The following SLC1A3 variants were observed in gnomAD, a reference collection of about 807,000 sequenced individuals.
SLC1A3 encodes the protein solute carrier family 1 member 3.
A neutral mutation model predicts 48.1 loss-of-function variants in SLC1A3; 21 were observed. The ratio of observed to expected loss-of-function variants is 0.44; its 90% CI spans 0.31 to 0.63. The LOEUF (loss-of-function observed/expected upper bound fraction) is 0.63. Among genes scored for constraint, SLC1A3 ranks in the 20% least tolerant of loss-of-function variants. SLC1A3 has a pLI of 0.08. For missense variants in SLC1A3, 546 were observed against 689.0 expected, an observed-to-expected ratio of 0.79 and a Z score of 2.32; for synonymous variants, 239 against 251.4, an observed-to-expected ratio of 0.95 and a Z score of 0.47.
intron 2 of SLC1A3, among the ~76,000 whole-genome samples, chr5:36,616,027 C>A (rs571186172): frequency 6.6e-6 from 1 of 152,156 alleles, no homozygotes; most frequent in African/African-American, 2.4e-5. Context: ...GAAACCCGGT[C>A]TCTACTAAAA....
chr5:36,607,481 C>T (rs1003495052), intron 1 of SLC1A3, among the ~76,000 whole-genome samples: 9 of 152,196 alleles, frequency 5.9e-5, no homozygotes, highest in African/African-American at 2.2e-4. Flanking sequence ...CCAGAAACCA[C>T]AAGCTGTAAT....
intron 9 of SLC1A3, among the ~76,000 whole-genome samples, chr5:36,685,257 TCGAC>T (rs1425623212): frequency 6.6e-6 from 1 of 152,212 alleles, no homozygotes; most frequent in Non-Finnish European, 1.5e-5. Context: ...AACAACCATT[TCGAC>T]CCCAAAATTT....
chr5:36,683,113 A>G (rs1742500810), intron 8 of SLC1A3, among the ~76,000 whole-genome samples: 1 of 152,236 alleles, frequency 6.6e-6, no homozygotes, highest in African/African-American at 2.4e-5. Context: ...TTTTGACAAC[A>G]TTAATCATGA....
At chr5:36,636,843 T>C (rs767866947) in intron 3 of SLC1A3, among the ~76,000 whole-genome samples, 1 of 152,102 alleles carries the variant, frequency 6.6e-6, no homozygotes, top group Non-Finnish European at 1.5e-5. Context: ...TCTGGGCTCA[T>C]GCAACCTTGC....
intron 3 of SLC1A3, among the ~76,000 whole-genome samples, chr5:36,642,839 T>C (rs1740670470): frequency 6.6e-6 from 1 of 152,224 alleles, no homozygotes; most frequent in African/African-American, 2.4e-5. Context: ...ACTGGCTTTT[T>C]TCACTCAGCA....
chr5:36,617,415 CTTTTTTTT>C (rs34710652), intron 2 of SLC1A3, among the ~76,000 whole-genome samples: 18 of 57,688 alleles, frequency 3.1e-4, no homozygotes, highest in Middle Eastern at 0.018. Context: ...AGGTTGCGGG[CTTTTTTTT>C]TTTTTTTTTT....
intron 2 of SLC1A3, among the ~76,000 whole-genome samples, chr5:36,622,838 C>T (rs1739733244): frequency 1.5e-5 from 2 of 136,080 alleles, no homozygotes; most frequent in Admixed American, 8.0e-5. Context: ...TGTGAAACCC[C>T]GTCACTAAAA....
chr5:36,650,449 T>C (rs928170089), intron 3 of SLC1A3, among the ~76,000 whole-genome samples: 2 of 152,236 alleles, frequency 1.3e-5, no homozygotes, highest in African/African-American at 4.8e-5. Context: ...TATTCATACA[T>C]TGAATTTGTT....
intron 2 of SLC1A3, among the ~76,000 whole-genome samples, chr5:36,619,246 C>A (rs761551532): frequency 5.9e-5 from 9 of 152,200 alleles, no homozygotes; most frequent in Non-Finnish European, 1.3e-4. Context: ...TAGCTTCTCA[C>A]CAGGAAACGC....
At chr5:36,605,885 C>A (rs1738916762), upstream of SLC1A3, among the ~76,000 whole-genome samples, 2 of 152,198 alleles carry the variant, frequency 1.3e-5, no homozygotes, top group Non-Finnish European at 2.9e-5. Context: ...ATCTGAACAG[C>A]AACCTATCTT....
Position 36,644,877 on chromosome 5 carries a change from G to A in SLC1A3, c.319+15290G>A, listed in dbSNP as rs79055405. On this transcript the variant is annotated intron_variant, in intron 3 of 9. Transcript: ENST00000265113. ...CTGTGGTTGTCCTGTGAGGTGGTTG[G>A]TGGTGAGGGTGGGCCTGGGGGGAGA... Among the ~76,000 whole-genome samples, 541 of 152,296 alleles carry A rather than the reference G, an allele frequency of 3.6e-3. 15 individuals carry two copies. The highest frequency in any genetic ancestry group is 0.031 in the Admixed American group (479 of 15,308).
At chr5:36,655,036 G>C (rs1741232683) in intron 3 of SLC1A3, among the ~76,000 whole-genome samples, 1 of 152,168 alleles carries the variant, frequency 6.6e-6, no homozygotes, top group Non-Finnish European at 1.5e-5. Context: ...TTCAGGGCTT[G>C]TTTATGGAGT....
intron 5 of SLC1A3, among the ~76,000 whole-genome samples, chr5:36,676,591 C>G (rs1015859546): frequency 6.6e-6 from 1 of 152,064 alleles, no homozygotes; most frequent in African/African-American, 2.4e-5. Context: ...TTTAGTCCAG[C>G]ATCTTTAGCT....
chr5:36,662,628 A>G (rs886363335), intron 3 of SLC1A3, among the ~76,000 whole-genome samples: 2 of 152,228 alleles, frequency 1.3e-5, no homozygotes, highest in African/African-American at 4.8e-5. Context: ...GCTCATGTGA[A>G]GGGTAAATGG....
intron 1 of SLC1A3, among the ~76,000 whole-genome samples, chr5:36,597,917 T>G (rs1223870378): frequency 1.3e-5 from 2 of 152,186 alleles, no homozygotes; most frequent in Non-Finnish European, 2.9e-5. Context: ...TATGTTTTCA[T>G]CTCTCTCATG....
intron 2 of SLC1A3, among the ~76,000 whole-genome samples, chr5:36,625,384 G>T (rs1389370328): frequency 6.6e-6 from 1 of 152,228 alleles, no homozygotes; most frequent in Non-Finnish European, 1.5e-5. Context: ...CTTGAACCAG[G>T]AGGCGGAGGT....
chr5:36,657,598 A>G (rs928508217), intron 3 of SLC1A3, among the ~76,000 whole-genome samples: 1 of 152,226 alleles, frequency 6.6e-6, no homozygotes, highest in Admixed American at 6.5e-5. Context: ...CCCAAAAAGG[A>G]TGGCTTCCAC....
At chr5:36,658,557 A>G (rs974835062) in intron 3 of SLC1A3, among the ~76,000 whole-genome samples, 36 of 152,194 alleles carry the variant, frequency 2.4e-4, no homozygotes, top group African/African-American at 8.4e-4. Context: ...GCAAAAATTT[A>G]TCTCAAAGGG....
At chr5:36,637,238 C>T (rs889152619) in intron 3 of SLC1A3, among the ~76,000 whole-genome samples, 4 of 152,134 alleles carry the variant, frequency 2.6e-5, no homozygotes, top group East Asian at 3.9e-4. Context: ...AGGTTGGGTC[C>T]GCTGCTTTAC....
Sources: gnomAD v4.1 joint callset for allele counts (sites outside exome capture counted in the v4.1 genomes callset) on GRCh38, gnomAD v4.1.1 for gene constraint, MANE v1.5 for transcripts, NCBI Gene and HGNC (gene_info 2026-07-23, HGNC 2026-07-21) for gene names.